ZFHX3: variants seen among roughly 807,000 people sequenced by gnomAD.
The protein encoded by ZFHX3 is zinc finger homeobox protein 3.
Under a neutral mutation model 279.1 loss-of-function variants are expected in ZFHX3, and 42 were observed. The ratio of observed to expected loss-of-function variants is 0.15; its 90% CI spans 0.12 to 0.19. The LOEUF is 0.19. Among genes scored for constraint, ZFHX3 ranks in the 10% least tolerant of loss-of-function variants. The pLI is 1.00. For missense variants in ZFHX3, 4,981 were observed against 4,754.0 expected (o/e 1.05, Z -1.40); for synonymous variants, 2,293 against 1,957.8 (o/e 1.17, Z -4.52).
chr16:73,440,316 T>G (rs1421538473), intron 3 of ZFHX3, among the ~76,000 whole-genome samples: 1 of 152,032 alleles, frequency 6.6e-6, no homozygotes, highest in African/African-American at 2.4e-5. Flanking sequence ...GACAAACGAG[T>G]GTGTCCAAGA....
At chr16:73,637,227 G>GTT (rs2052534879) in intron 2 of ZFHX3, among the ~76,000 whole-genome samples, 1 of 138,104 alleles carries the variant, frequency 7.2e-6, no homozygotes, top group African/African-American at 2.7e-5. Flanking sequence ...TTTTTTTTTT[G>GTT]TTCTTTTTTT....
In ZFHX3 at chr16:73,470,845, G is replaced by T. The variant is rs534309286; in HGVS notation, c.-1546-14587C>A. On this transcript the variant is annotated intron_variant, in intron 2 of 17. Coordinates refer to the ZFHX3 transcript ENST00000641206. Reference sequence around the variant, plus strand: ...CATCACGGCTACCTGTTTCCTGGGGGATCCAGTCAATTTCTTAGAATATAA... The same window carrying T: ...CATCACGGCTACCTGTTTCCTGGGGTATCCAGTCAATTTCTTAGAATATAA... Among the ~76,000 whole-genome samples, 10 of 152,310 alleles carry T rather than the reference G, an allele frequency of 6.6e-5. No homozygotes were observed. In the South Asian group the frequency reaches 2.1e-3, roughly 32 times the overall value.
chr16:73,319,031 G>T (rs1261132231), intron 3 of ZFHX3, among the ~76,000 whole-genome samples: 1 of 151,726 alleles, frequency 6.6e-6, no homozygotes, highest in Non-Finnish European at 1.5e-5. Flanking sequence ...CTGGCCCACT[G>T]GTGCATTTCT....
chr16:73,014,328 A>C (rs554821363), intron 1 of ZFHX3: 1 of 152,238 alleles, frequency 6.6e-6, no homozygotes, highest in East Asian at 1.9e-4. Context: ...GGAAAAATGA[A>C]AGCTGATTTT....
At chr16:73,059,397 C>T (rs1965648680) in exon 1 of ZFHX3, 1 of 149,980 alleles carries the variant, frequency 6.7e-6, no homozygotes, top group African/African-American at 2.5e-5. Context: ...CACACACACA[C>T]GCACACACAC....
intron 1 of ZFHX3, among the ~76,000 whole-genome samples, chr16:73,771,916 C>T (rs1000839277): frequency 1.3e-5 from 2 of 152,070 alleles, no homozygotes; most frequent in East Asian, 3.9e-4. Flanking sequence ...TCACCTCCCC[C>T]ACAGAGGCCT....
At chr16:73,787,274 C>T (rs1450438314) in intron 1 of ZFHX3, among the ~76,000 whole-genome samples, 2 of 152,136 alleles carry the variant, frequency 1.3e-5, no homozygotes, top group African/African-American at 4.8e-5. Context: ...AGTGCAATAT[C>T]AGAGGAGGGA....
chr16:73,247,535 G>A (rs1469719004), intron 5 of ZFHX3, among the ~76,000 whole-genome samples: 9 of 151,456 alleles, frequency 5.9e-5, no homozygotes, highest in African/African-American at 2.2e-4. Flanking sequence ...CGTATATAAT[G>A]TGTCTGTGTC....
intron 1 of ZFHX3, chr16:73,006,231 A>C (rs1963697271): frequency 2.6e-5 from 4 of 152,176 alleles, no homozygotes; most frequent in Admixed American, 2.0e-4. Flanking sequence ...ACTAAGTCTG[A>C]GGGTGTTGGC....
Position 72,829,830 on chromosome 16 carries a change from T to G in ZFHX3, c.3478A>C (p.Ser1160Arg). Reference sequence around the variant, plus strand: ...TCCTCTGGATCAGCAGCTGTTTCACTGGGTCCTTCAACATCTTCAATGGCT... The same window carrying G: ...TCCTCTGGATCAGCAGCTGTTTCACGGGGTCCTTCAACATCTTCAATGGCT... ...EEAIEDVEGP[S>R]ETAADPEELA... Residue 1160 changes from serine (S) to arginine (R), a missense_variant, in exon 5 of 10, where the codon AGT becomes CGT. Ser to Arg is a moderately radical substitution (Grantham distance 110, BLOSUM62 -1). Transcript: ENST00000268489. 6.2e-7 allele frequency: 1 copy of G among 1,614,224 alleles called. No individual in the cohort carries two copies. Among genetic ancestry groups the G allele is most frequent in the Non-Finnish European group, 8.5e-7 (1 of 1,180,032 alleles).
chr16:73,537,689 AG>A (rs2019930221), intron 2 of ZFHX3, among the ~76,000 whole-genome samples: 1 of 152,234 alleles, frequency 6.6e-6, no homozygotes, highest in African/African-American at 2.4e-5. Flanking sequence ...GAGGATCCAA[AG>A]ATGAGTCAGT....
intron 1 of ZFHX3, among the ~76,000 whole-genome samples, chr16:73,800,498 T>G (rs1960114319): frequency 6.6e-6 from 1 of 152,206 alleles, no homozygotes; most frequent in South Asian, 2.1e-4. Context: ...ATTACAGGCA[T>G]GAGCCACCGT....
intron 2 of ZFHX3, among the ~76,000 whole-genome samples, chr16:73,543,399 A>G (rs2020051587): frequency 6.6e-6 from 1 of 152,134 alleles, no homozygotes; most frequent in African/African-American, 2.4e-5. Context: ...GATTAATTGG[A>G]GCTGTGCATC....
chr16:73,387,955 A>C (rs1030731824), intron 3 of ZFHX3, among the ~76,000 whole-genome samples: 7 of 151,958 alleles, frequency 4.6e-5, no homozygotes, highest in African/African-American at 1.7e-4. Context: ...CGCTCTGCCA[A>C]GCTGAAGATG....
intron 1 of ZFHX3, among the ~76,000 whole-genome samples, chr16:73,056,494 C>T (rs989479140): frequency 3.0e-4 from 46 of 152,072 alleles, no homozygotes; most frequent in African/African-American, 9.7e-4. Context: ...TCCCCTCAAC[C>T]CACAGGATGT....
chr16:72,999,612 G>C (rs1415907825), intron 1 of ZFHX3, among the ~76,000 whole-genome samples: 1 of 152,132 alleles, frequency 6.6e-6, no homozygotes, highest in African/African-American at 2.4e-5. Flanking sequence ...TCCAGATCTG[G>C]GCAGGATTGG....
intron 7 of ZFHX3, among the ~76,000 whole-genome samples, chr16:73,119,184 G>A (rs1234022584): frequency 6.6e-6 from 1 of 152,068 alleles, no homozygotes; most frequent in East Asian, 1.9e-4. Flanking sequence ...GCTCACTGCA[G>A]CCTCAAACTT....
intron 1 of ZFHX3, among the ~76,000 whole-genome samples, chr16:73,832,525 T>C (rs554070498): frequency 1.4e-4 from 22 of 152,240 alleles, no homozygotes; most frequent in African/African-American, 5.3e-4. Context: ...TTAAGCAAGA[T>C]AGGCCCTTTT....
intron 2 of ZFHX3, among the ~76,000 whole-genome samples, chr16:73,498,542 G>A (rs1271672501): frequency 6.6e-6 from 1 of 152,208 alleles, no homozygotes; most frequent in East Asian, 1.9e-4. Flanking sequence ...TTTCTTTATG[G>A]AAAAGCGATA....
Sources: allele counts gnomAD v4.1 joint callset (sites outside exome capture counted in the v4.1 genomes callset), GRCh38; gene constraint gnomAD v4.1.1; transcripts MANE v1.5; gene names NCBI Gene and HGNC (gene_info 2026-07-23, HGNC 2026-07-21).